Variants in QTMAN observed in about 807,000 individuals in gnomAD.
QTMAN encodes tRNA-queuosine alpha-mannosyltransferase.
chr2:144,203,553 G>A, the QTMAN span, among the ~76,000 whole-genome samples: 1 of 152,066 alleles, frequency 6.6e-6, no homozygotes, highest in Non-Finnish European at 1.5e-5. Context: ...AAGCTAGTAG[G>A]CTGAATGATA....
the QTMAN span, among the ~76,000 whole-genome samples, chr2:144,128,701 C>CA: frequency 6.6e-6 from 1 of 151,930 alleles, no homozygotes; most frequent in Non-Finnish European, 1.5e-5. Context: ...TATCAGATAA[C>CA]AGATTTGGAT....
At chr2:144,191,250 A>G in the QTMAN span, among the ~76,000 whole-genome samples, 4 of 152,184 alleles carry the variant, frequency 2.6e-5, no homozygotes, top group African/African-American at 7.2e-5. Context: ...AAAAGTGAAA[A>G]CCACCAATAG....
At chr2:144,158,815 T>C in the QTMAN span, among the ~76,000 whole-genome samples, 1 of 152,072 alleles carries the variant, frequency 6.6e-6, no homozygotes, top group Non-Finnish European at 1.5e-5. Flanking sequence ...TGTGCATTAC[T>C]GTAATGATGA....
the QTMAN span, among the ~76,000 whole-genome samples, chr2:144,202,811 A>G: frequency 6.6e-6 from 1 of 152,200 alleles, no homozygotes; most frequent in South Asian, 2.1e-4. Flanking sequence ...GTATCCAGGG[A>G]GCCATATAGA....
the QTMAN span, among the ~76,000 whole-genome samples, chr2:143,972,354 A>T: frequency 6.6e-6 from 1 of 152,148 alleles, no homozygotes; most frequent in East Asian, 1.9e-4. Flanking sequence ...AGGGAAATCT[A>T]GCCATTCAGT....
At chr2:143,958,795 T>C in the QTMAN span, among the ~76,000 whole-genome samples, 1 of 150,520 alleles carries the variant, frequency 6.6e-6, no homozygotes, top group East Asian at 1.9e-4. Flanking sequence ...TTTTTTTTTT[T>C]TTTTTTTTAC....
chr2:144,153,148 T>C, the QTMAN span, among the ~76,000 whole-genome samples: 1 of 152,214 alleles, frequency 6.6e-6, no homozygotes, highest in African/African-American at 2.4e-5. Context: ...GTGGCCCTCC[T>C]CAGACCCAGA....
chr2:144,104,751 A>G, the QTMAN span, among the ~76,000 whole-genome samples: 1 of 152,236 alleles, frequency 6.6e-6, no homozygotes, highest in Non-Finnish European at 1.5e-5. Flanking sequence ...ACAGCTTTGA[A>G]GAGAGTAGTG....
At chr2:144,154,762 T>C in the QTMAN span, among the ~76,000 whole-genome samples, 2 of 152,214 alleles carry the variant, frequency 1.3e-5, no homozygotes, top group Admixed American at 1.3e-4. Flanking sequence ...CTTGATAAGA[T>C]AAATTAGATC....
the QTMAN span, among the ~76,000 whole-genome samples, chr2:144,181,881 C>A: frequency 6.6e-6 from 1 of 152,006 alleles, no homozygotes; most frequent in East Asian, 1.9e-4. Flanking sequence ...ATTTAAAATG[C>A]AACATTCTAA....
chr2:144,115,498 T>C, the QTMAN span, among the ~76,000 whole-genome samples: 2 of 152,176 alleles, frequency 1.3e-5, no homozygotes, highest in South Asian at 2.1e-4. Context: ...TACTACTAAA[T>C]GTAGGCAAGG....
chr2:144,158,848 T>C, the QTMAN span, among the ~76,000 whole-genome samples: 2 of 152,050 alleles, frequency 1.3e-5, no homozygotes, highest in Non-Finnish European at 2.9e-5. Flanking sequence ...TTAATATCAG[T>C]TTATGCAATG....
chr2:143,947,032 T>C, the QTMAN span: 1 of 1,561,180 alleles, frequency 6.4e-7, no homozygotes, highest in Non-Finnish European at 8.8e-7. Context: ...GGCTGCAAGT[T>C]TGTGACTTAG....
the QTMAN span, among the ~76,000 whole-genome samples, chr2:144,170,327 T>C: frequency 1.3e-5 from 2 of 152,106 alleles, no homozygotes; most frequent in African/African-American, 4.8e-5. Flanking sequence ...GCAGCAGACA[T>C]AACATTTCAA....
the QTMAN span, among the ~76,000 whole-genome samples, chr2:144,164,943 T>C: frequency 7.2e-5 from 11 of 152,304 alleles, no homozygotes; most frequent in Non-Finnish European, 1.5e-4. Flanking sequence ...ATCAATTCAG[T>C]GCAAATGATA....
At chr2:144,074,468 C>CT in the QTMAN span, among the ~76,000 whole-genome samples, 1 of 152,120 alleles carries the variant, frequency 6.6e-6, no homozygotes, top group Non-Finnish European at 1.5e-5. Context: ...TTTTCTAAAA[C>CT]TGAAAAATAT....
chr2:144,102,325 A>T, the QTMAN span, among the ~76,000 whole-genome samples: 1 of 152,226 alleles, frequency 6.6e-6, no homozygotes, highest in African/African-American at 2.4e-5. Context: ...TGATGTCATC[A>T]AATACTTTCT....
chr2:144,060,970 T>A, the QTMAN span, among the ~76,000 whole-genome samples: 1 of 152,166 alleles, frequency 6.6e-6, no homozygotes, highest in African/African-American at 2.4e-5. Flanking sequence ...AAAAATAATT[T>A]TAGAGAATCA....
chr2:144,303,475 A>G, the QTMAN span, among the ~76,000 whole-genome samples: 1 of 152,194 alleles, frequency 6.6e-6, no homozygotes, highest in African/African-American at 2.4e-5. Flanking sequence ...AAGATAAATT[A>G]GGAAAACTAG....
Sources: gnomAD v4.1 joint callset for allele counts (sites outside exome capture counted in the v4.1 genomes callset) on GRCh38, gnomAD v4.1.1 for gene constraint, MANE v1.5 for transcripts, NCBI Gene and HGNC (gene_info 2026-07-23, HGNC 2026-07-21) for gene names.